The following KCNMB4 variants were observed in gnomAD, a reference collection of about 807,000 sequenced individuals.
KCNMB4 encodes the protein potassium calcium-activated channel subfamily M regulatory beta subunit 4.
In KCNMB4, 3 loss-of-function variants were observed where a neutral mutation model predicts 20.7. That is an observed-to-expected ratio of 0.14 (90% CI 0.07 to 0.37). KCNMB4 has a LOEUF of 0.37. Ranked by LOEUF, KCNMB4 falls within the 10% of genes least tolerant of loss-of-function variation. KCNMB4 has a pLI of 1.00. For missense variants in KCNMB4, 168 were observed against 265.9 expected (o/e 0.63, Z 2.56); for synonymous variants, 110 against 113.4 (o/e 0.97, Z 0.19).
At chr12:70,367,901 G>C (rs1206789029) in intron 1 of KCNMB4, among the ~76,000 whole-genome samples, 1 of 151,918 alleles carries the variant, frequency 6.6e-6, no homozygotes, top group Non-Finnish European at 1.5e-5. Context: ...AACCTGGTTA[G>C]GACTCCCGGG....
At chr12:70,391,561 C>T (rs1015448338) in intron 1 of KCNMB4, among the ~76,000 whole-genome samples, 1 of 152,178 alleles carries the variant, frequency 6.6e-6, no homozygotes, top group Non-Finnish European at 1.5e-5. Context: ...CTGCCTTGGC[C>T]TCCGAAGGCT....
intron 1 of KCNMB4, among the ~76,000 whole-genome samples, chr12:70,371,466 T>C (rs138725191): frequency 1.3e-5 from 2 of 152,302 alleles, no homozygotes; most frequent in Non-Finnish European, 2.9e-5. Context: ...TCTGAACTCC[T>C]TCCTGGAACA....
chr12:70,376,518 C>T (rs531836295), intron 1 of KCNMB4, among the ~76,000 whole-genome samples: 10 of 152,048 alleles, frequency 6.6e-5, no homozygotes, highest in African/African-American at 2.2e-4. Flanking sequence ...TATCAATATA[C>T]AAAAATTAAT....
intron 2 of KCNMB4, among the ~76,000 whole-genome samples, chr12:70,406,331 GTTTCCTATGAC>G (rs1868601148): frequency 1.3e-5 from 2 of 152,092 alleles, no homozygotes; most frequent in Non-Finnish European, 2.9e-5. Context: ...TAAAATTAAA[GTTTCCTATGAC>G]TGGAAAAAGG....
At chr12:70,413,570 A>C (rs75343476) in intron 2 of KCNMB4, among the ~76,000 whole-genome samples, 23 of 152,192 alleles carry the variant, frequency 1.5e-4, no homozygotes, top group Non-Finnish European at 3.1e-4. Context: ...TTCATCTTAG[A>C]TAAAATGGGG....
At chr12:70,421,667 C>T (rs7963410) in intron 2 of KCNMB4, among the ~76,000 whole-genome samples, 29,771 of 151,108 alleles carry the variant, frequency 0.2, 3,116 homozygotes, top group African/African-American at 0.25. Flanking sequence ...CTGCAAGCTC[C>T]ACCTCCCAAG....
intron 2 of KCNMB4, among the ~76,000 whole-genome samples, chr12:70,404,477 T>G (rs1187008610): frequency 6.6e-6 from 1 of 152,198 alleles, no homozygotes; most frequent in Non-Finnish European, 1.5e-5. Flanking sequence ...ATGAATAAAT[T>G]GCATATTTAA....
intron 1 of KCNMB4, among the ~76,000 whole-genome samples, chr12:70,371,152 C>T (rs747622267): frequency 2.6e-5 from 4 of 152,206 alleles, no homozygotes; most frequent in South Asian, 2.1e-4. Flanking sequence ...CCAACACGCC[C>T]GGTCTATATG....
intron 1 of KCNMB4, among the ~76,000 whole-genome samples, chr12:70,395,463 A>G (rs1413263112): frequency 2.0e-5 from 3 of 152,224 alleles, no homozygotes; most frequent in African/African-American, 4.8e-5. Flanking sequence ...CACTTATCAC[A>G]AAGAACCTAC....
chr12:70,369,176 G>A (rs972262571), intron 1 of KCNMB4, among the ~76,000 whole-genome samples: 1 of 152,184 alleles, frequency 6.6e-6, no homozygotes, highest in Non-Finnish European at 1.5e-5. Flanking sequence ...GGTTTTCTCA[G>A]CCAAACCAAT....
At chr12:70,413,234 C>T (rs1415024496) in intron 2 of KCNMB4, among the ~76,000 whole-genome samples, 1 of 152,186 alleles carries the variant, frequency 6.6e-6, no homozygotes. Context: ...AGTCTGTTTT[C>T]TAATGGTTAA....
chr12:70,414,917 T>C (rs1190048769), intron 2 of KCNMB4, among the ~76,000 whole-genome samples: 1 of 152,238 alleles, frequency 6.6e-6, no homozygotes, highest in Non-Finnish European at 1.5e-5. Flanking sequence ...ATATTTGTTA[T>C]ATCTTCCATC....
chr12:70,379,079 C>T (rs1472562405), intron 1 of KCNMB4, among the ~76,000 whole-genome samples: 1 of 152,154 alleles, frequency 6.6e-6, no homozygotes, highest in African/African-American at 2.4e-5. Context: ...ATGCTGTAAA[C>T]TGATGTGCTA....
In KCNMB4 at chr12:70,400,204, G is replaced by A; in HGVS notation, c.337-5G>A. 1 of 1,579,648 alleles carries A rather than the reference G, an allele frequency of 6.3e-7. No individual in the cohort carries two copies. The highest frequency in any genetic ancestry group is 8.6e-7 in the Non-Finnish European group (1 of 1,165,446). On this transcript the variant is annotated splice_region_variant and splice_polypyrimidine_tract_variant and intron_variant, in intron 1 of 2. Transcript: ENST00000258111. ...AGGTTTACTTTCTGTATTCTATTTT[G>A]TTAGTGCTCCTATATCCCTCCCTGT...
intron 1 of KCNMB4, among the ~76,000 whole-genome samples, chr12:70,398,833 G>A (rs897042006): frequency 4.6e-5 from 7 of 152,186 alleles, no homozygotes; most frequent in Non-Finnish European, 7.3e-5. Context: ...ACATAAAACA[G>A]GCAAGTATGA....
intron 1 of KCNMB4, among the ~76,000 whole-genome samples, chr12:70,381,587 A>C (rs1883787290): frequency 6.6e-6 from 1 of 152,236 alleles, no homozygotes; most frequent in Non-Finnish European, 1.5e-5. Flanking sequence ...ATGAACTTCA[A>C]AAATATGGTA....
chr12:70,385,780 G>A (rs755715055), intron 1 of KCNMB4, among the ~76,000 whole-genome samples: 33 of 152,248 alleles, frequency 2.2e-4, no homozygotes, highest in Non-Finnish European at 4.1e-4. Context: ...TGAACTCATA[G>A]GATGAGATAA....
intron 1 of KCNMB4, among the ~76,000 whole-genome samples, chr12:70,379,423 C>CT (rs1173733652): frequency 1.3e-5 from 2 of 151,634 alleles, no homozygotes; most frequent in Admixed American, 6.6e-5. Flanking sequence ...TCACTTTGCA[C>CT]TTTTTTTTTC....
intron 2 of KCNMB4, among the ~76,000 whole-genome samples, chr12:70,423,575 C>T (rs1444321771): frequency 6.6e-6 from 1 of 152,022 alleles, no homozygotes. Context: ...ACCTCCTAGG[C>T]TCAAGCGATA....
Sources: gnomAD v4.1 joint callset for allele counts (sites outside exome capture counted in the v4.1 genomes callset) on GRCh38, gnomAD v4.1.1 for gene constraint, MANE v1.5 for transcripts, NCBI Gene and HGNC (gene_info 2026-07-23, HGNC 2026-07-21) for gene names.